The following CAPZA1 variants were observed in gnomAD, a reference collection of about 807,000 sequenced individuals.
The protein encoded by CAPZA1 is F-actin-capping protein subunit alpha-1.
A neutral mutation model predicts 40.8 loss-of-function variants in CAPZA1; 10 were observed. That is an observed-to-expected ratio of 0.25 (90% CI 0.15 to 0.42). The LOEUF is 0.42. Among genes scored for constraint, CAPZA1 ranks in the 10% least tolerant of loss-of-function variants. The pLI is 1.00. For missense variants in CAPZA1, 277 were observed against 353.8 expected, an observed-to-expected ratio of 0.78 and a Z score of 1.74; for synonymous variants, 98 against 115.0, an observed-to-expected ratio of 0.85 and a Z score of 0.95.
intron 2 of CAPZA1, 58 bp from the exon 3 acceptor site, chr1:112,649,360 C>T (rs1671342075): frequency 7.8e-7 from 1 of 1,287,722 alleles, no homozygotes. Flanking sequence ...ATCTAGAAAT[C>T]TGCTAAAATT....
At chr1:112,654,058 G>A (rs1671451481) in intron 4 of CAPZA1, among the ~76,000 whole-genome samples, 2 of 152,002 alleles carry the variant, frequency 1.3e-5, no homozygotes, top group African/African-American at 2.4e-5. Flanking sequence ...TTCACTTTGT[G>A]TATTTTTTCA....
chr1:112,623,070 A>G (rs1488318821), intron 1 of CAPZA1, among the ~76,000 whole-genome samples: 1 of 152,062 alleles, frequency 6.6e-6, no homozygotes, highest in African/African-American at 2.4e-5. Flanking sequence ...TATTTTTAGT[A>G]GAGACAGGGT....
intron 1 of CAPZA1, among the ~76,000 whole-genome samples, chr1:112,645,057 A>G (rs1671254575): frequency 6.6e-6 from 1 of 152,226 alleles, no homozygotes; most frequent in African/African-American, 2.4e-5. Context: ...GAGTATGAGC[A>G]CTGGGACCAT....
At chr1:112,658,264 C>T (rs1049204127) in intron 5 of CAPZA1, among the ~76,000 whole-genome samples, 4 of 152,158 alleles carry the variant, frequency 2.6e-5, no homozygotes, top group Non-Finnish European at 5.9e-5. Flanking sequence ...TAACTACTAA[C>T]TAGACATCTC....
rs1671831676 is a variant in CAPZA1, at chr1:112,671,434, TTTG to T, written c.*1305_*1307del. 6.5e-6 allele frequency: 1 copy of T among 152,672 alleles called. No homozygotes were observed. The highest frequency in any genetic ancestry group is 1.5e-5 in the Non-Finnish European group (1 of 68,042). 9.5% of individuals were successfully genotyped at this position (152,672 alleles called of 1,614,324 possible). A position where few individuals can be genotyped will look rare whatever the true frequency, so the allele number is the denominator to read the frequency against. ...AAAAGAAAGGTGTTTGTGCTTCCGT[TTTG>T]TTTCTGCTCAGTAATATAGTCAAGC... On this transcript the variant is annotated 3_prime_UTR_variant, in exon 10 of 10. Transcript: ENST00000263168.
intron 3 of CAPZA1, chr1:112,649,939 T>C (rs1353890990): frequency 1.3e-5 from 2 of 153,530 alleles, no homozygotes; most frequent in Non-Finnish European, 2.9e-5. Context: ...CTAATTAATC[T>C]TTCTAAAATA....
intron 1 of CAPZA1, among the ~76,000 whole-genome samples, chr1:112,645,736 C>CAAAAAAA (rs34728417): frequency 8.4e-5 from 9 of 106,998 alleles, no homozygotes; most frequent in Non-Finnish European, 1.2e-4. Context: ...CTTGCCAGTG[C>CAAAAAAA]AAAAAAAAAA....
At chr1:112,660,683 A>G (rs1467110073) in intron 7 of CAPZA1, among the ~76,000 whole-genome samples, 1 of 152,164 alleles carries the variant, frequency 6.6e-6, no homozygotes, top group Non-Finnish European at 1.5e-5. Flanking sequence ...ATATCCTAGC[A>G]GAGGTTTGAC....
chr1:112,641,694 G>T (rs896898420), intron 1 of CAPZA1, among the ~76,000 whole-genome samples: 1 of 151,976 alleles, frequency 6.6e-6, no homozygotes, highest in Non-Finnish European at 1.5e-5. Context: ...TTCAAGACGA[G>T]CCTAGCCAAC....
At chr1:112,633,600 G>T (rs1215740465) in intron 1 of CAPZA1, among the ~76,000 whole-genome samples, 2 of 152,074 alleles carry the variant, frequency 1.3e-5, no homozygotes, top group Non-Finnish European at 2.9e-5. Context: ...AGTTCCTTTG[G>T]CTATCTATCC....
chr1:112,626,205 C>G (rs974613116), intron 1 of CAPZA1: 2 of 152,106 alleles, frequency 1.3e-5, no homozygotes, highest in African/African-American at 4.8e-5. Context: ...AGAGCCCAAG[C>G]CTAACCAAGG....
At position 112,647,201 on chromosome 1, in the gene CAPZA1, T is replaced by C; in HGVS notation, c.40-9T>C. On this transcript the variant is annotated splice_polypyrimidine_tract_variant and intron_variant, in intron 1 of 9. Coordinates refer to ENST00000263168, the MANE Select transcript of CAPZA1 (RefSeq NM_006135.3). ...AATTCTCCTAAGTGTAAATTTTGTT[T>C]CTCTTTAGGTACGCATAGCTGCTAA... 6.9e-7 allele frequency: 1 copy of C among 1,451,484 alleles called. No individual in the cohort carries two copies. The highest frequency in any genetic ancestry group is 9.3e-7 in the Non-Finnish European group (1 of 1,078,928). 89.9% of individuals were successfully genotyped at this position (1,451,484 alleles called of 1,614,324 possible). A position where few individuals can be genotyped will look rare whatever the true frequency, so the allele number is the denominator to read the frequency against.
At chr1:112,642,407 G>C (rs912603895) in intron 1 of CAPZA1, among the ~76,000 whole-genome samples, 1 of 151,358 alleles carries the variant, frequency 6.6e-6, no homozygotes, top group Non-Finnish European at 1.5e-5. Flanking sequence ...AGTAGAGATG[G>C]GGTTTCACCA....
chr1:112,645,736 CAAAAA>C (rs34728417), intron 1 of CAPZA1, among the ~76,000 whole-genome samples: 20 of 107,010 alleles, frequency 1.9e-4, no homozygotes, highest in African/African-American at 3.0e-4. Context: ...CTTGCCAGTG[CAAAAA>C]AAAAAAAAAA....
At chr1:112,624,707 C>G (rs984293118) in intron 1 of CAPZA1, among the ~76,000 whole-genome samples, 54 of 151,516 alleles carry the variant, frequency 3.6e-4, no homozygotes, top group African/African-American at 1.3e-3. Flanking sequence ...TTCTAGCCAC[C>G]TTGTCACTGA....
chr1:112,643,573 CTA>C (rs1337255214), intron 1 of CAPZA1, among the ~76,000 whole-genome samples: 2 of 152,146 alleles, frequency 1.3e-5, no homozygotes, highest in East Asian at 3.8e-4. Flanking sequence ...TAATATGACT[CTA>C]TGAGGAGATG....
chr1:112,669,850 G>T, intron 9 of CAPZA1, 142 bp from the exon 10 acceptor site: 1 of 917,166 alleles, frequency 1.1e-6, no homozygotes, highest in Non-Finnish European at 1.7e-6. Flanking sequence ...TTCAGAGATT[G>T]GAGAGGAGCT....
At chr1:112,629,862 T>G (rs1670887394) in intron 1 of CAPZA1, among the ~76,000 whole-genome samples, 1 of 152,094 alleles carries the variant, frequency 6.6e-6, no homozygotes, top group Non-Finnish European at 1.5e-5. Context: ...CATAGTGCCC[T>G]CCCTTTCCTC....
chr1:112,650,008 A>G (rs889795239), intron 3 of CAPZA1: 5 of 150,252 alleles, frequency 3.3e-5, no homozygotes, highest in African/African-American at 1.2e-4. Flanking sequence ...TTTTTTTGAT[A>G]TCTTCTATAA....
Sources: gnomAD v4.1 joint callset for allele counts (sites outside exome capture counted in the v4.1 genomes callset) on GRCh38, gnomAD v4.1.1 for gene constraint, MANE v1.5 for transcripts, NCBI Gene and HGNC (gene_info 2026-07-23, HGNC 2026-07-21) for gene names.